The following NEK7 variants were observed in gnomAD, a reference collection of about 807,000 sequenced individuals.
The protein encoded by NEK7 is serine/threonine-protein kinase Nek7.
In NEK7, 18 loss-of-function variants were observed where a neutral mutation model predicts 44.6. The ratio of observed to expected loss-of-function variants is 0.40; its 90% confidence interval spans 0.28 to 0.60. NEK7 has a LOEUF of 0.60. Among genes scored for constraint, NEK7 ranks in the 20% least tolerant of loss-of-function variants. The pLI, the probability that NEK7 is intolerant of heterozygous loss-of-function variation, is 0.38. For synonymous variants in NEK7, 130 were observed against 121.1 expected, an observed-to-expected ratio of 1.07 and a Z score of -0.48; for missense variants, 256 against 366.5, an observed-to-expected ratio of 0.70 and a Z score of 2.46.
chr1:198,193,375 G>A (rs1665134861), intron 1 of NEK7, among the ~76,000 whole-genome samples: 1 of 152,082 alleles, frequency 6.6e-6, no homozygotes, highest in African/African-American at 2.4e-5. Context: ...AAATCTATGG[G>A]AGGTACAAAA....
intron 1 of NEK7, among the ~76,000 whole-genome samples, chr1:198,205,593 T>A (rs149787361): frequency 1.3e-5 from 2 of 152,288 alleles, no homozygotes; most frequent in Non-Finnish European, 2.9e-5. Context: ...CTGTATTTGC[T>A]CTGGGAGAAA....
At chr1:198,309,373 C>T (rs1423949124) in intron 9 of NEK7, among the ~76,000 whole-genome samples, 2 of 151,966 alleles carry the variant, frequency 1.3e-5, no homozygotes, top group African/African-American at 2.4e-5. Flanking sequence ...AAATAGGAGC[C>T]TGGAAAGGGA....
rs1178767403 is a variant in NEK7 at position 198,245,207 on chromosome 1, GAGA to G, written c.58-7830_58-7828del. 1.0e-4 allele frequency: 17 copies of G among 169,244 alleles called. No individual in the cohort carries two copies. In the Middle Eastern group the frequency reaches 2.1e-3, roughly 21 times the overall value. The allele number at this position is 169,244 out of a possible 1,614,324, so 10.5% of individuals were successfully genotyped here. Reference sequence around the variant, plus strand: ...TGGGTAGGCAGAGGAGAAGGAGAAAGAGAAGGAGTTTCTTGCTGTCTCATGGAA... The same window carrying G: ...TGGGTAGGCAGAGGAGAAGGAGAAAGAGGAGTTTCTTGCTGTCTCATGGAA... On this transcript the variant is annotated intron_variant, in intron 2 of 9. Transcript: ENST00000367385.
chr1:198,212,188 G>T (rs367722916), intron 1 of NEK7, among the ~76,000 whole-genome samples: 1 of 152,338 alleles, frequency 6.6e-6, no homozygotes, highest in African/African-American at 2.4e-5. Flanking sequence ...TGAGATTTGT[G>T]TAGGGATGAA....
intron 1 of NEK7, among the ~76,000 whole-genome samples, chr1:198,223,173 TATA>T (rs1418604028): frequency 6.6e-6 from 1 of 152,204 alleles, no homozygotes; most frequent in African/African-American, 2.4e-5. Context: ...ATGAGAGCGT[TATA>T]ATTTGATTTA....
At chr1:198,229,202 A>C (rs937389535) in intron 1 of NEK7, among the ~76,000 whole-genome samples, 1 of 152,146 alleles carries the variant, frequency 6.6e-6, no homozygotes, top group Non-Finnish European at 1.5e-5. Flanking sequence ...AAAAGGCCCA[A>C]GTGGCCAGGT....
intron 9 of NEK7, among the ~76,000 whole-genome samples, chr1:198,299,256 C>CT (rs1654805006): frequency 6.6e-6 from 1 of 152,136 alleles, no homozygotes; most frequent in Admixed American, 6.5e-5. Context: ...AACAATGTTA[C>CT]TTTAATCTAT....
At chr1:198,220,620 G>C (rs899643206) in intron 1 of NEK7, among the ~76,000 whole-genome samples, 3 of 152,028 alleles carry the variant, frequency 2.0e-5, no homozygotes, top group African/African-American at 7.2e-5. Context: ...GGAAGTACTG[G>C]ATGACTCAGT....
chr1:198,290,191 T>TGTA (rs1654510269), intron 7 of NEK7, among the ~76,000 whole-genome samples: 1 of 152,226 alleles, frequency 6.6e-6, no homozygotes, highest in Non-Finnish European at 1.5e-5. Flanking sequence ...TTACATGTGC[T>TGTA]GTAGTCTTCA....
At chr1:198,297,262 T>C in intron 9 of NEK7, 22 bp downstream of exon 9, 1 of 1,607,906 alleles carries the variant, frequency 6.2e-7, no homozygotes. Flanking sequence ...TCAGCCCACA[T>C]GTTCTTCTGT....
intron 1 of NEK7, among the ~76,000 whole-genome samples, chr1:198,193,627 C>T (rs920271102): frequency 2.0e-5 from 3 of 152,200 alleles, no homozygotes; most frequent in Non-Finnish European, 4.4e-5. Context: ...AAGTTGGCTT[C>T]ATCCCTGGGA....
intron 1 of NEK7, among the ~76,000 whole-genome samples, chr1:198,212,828 A>G (rs1665814823): frequency 6.6e-6 from 1 of 152,230 alleles, no homozygotes; most frequent in Admixed American, 6.5e-5. Flanking sequence ...AGTCCATTTC[A>G]ACATCTGCAA....
chr1:198,276,315 G>A (rs975907640), intron 5 of NEK7, among the ~76,000 whole-genome samples: 14 of 151,622 alleles, frequency 9.2e-5, no homozygotes, highest in Non-Finnish European at 1.5e-4. Flanking sequence ...TTCATGGTCT[G>A]ATACACACAT....
At position 198,275,616 on chromosome 1, in the gene NEK7, G is replaced by T. The variant is rs1653994302; in HGVS notation, c.373-2345G>T. On this transcript the variant is annotated intron_variant, in intron 5 of 9. Coordinates refer to ENST00000367385, the MANE Select transcript of NEK7 (RefSeq NM_133494.3). ...ATAATTAACTTTTAAAAAGATATGTGTTTATTAGAATAAATTTTAAGAGAA... is the reference window on the plus strand; with the variant it reads ...ATAATTAACTTTTAAAAAGATATGTTTTTATTAGAATAAATTTTAAGAGAA... Among the ~76,000 whole-genome samples, 3 of 150,758 alleles carry T rather than the reference G, an allele frequency of 2.0e-5. No individual in the cohort carries two copies. In the South Asian group the frequency reaches 6.3e-4, roughly 31 times the overall value.
chr1:198,159,399 A>G (rs1470531368), intron 1 of NEK7, among the ~76,000 whole-genome samples: 1 of 152,182 alleles, frequency 6.6e-6, no homozygotes, highest in Non-Finnish European at 1.5e-5. Context: ...GAACTTAACT[A>G]CTACTGAAAG....
At chr1:198,200,015 ATTAC>A (rs1263112380) in intron 1 of NEK7, among the ~76,000 whole-genome samples, 6 of 151,776 alleles carry the variant, frequency 4.0e-5, no homozygotes, top group African/African-American at 7.3e-5. Flanking sequence ...CTCCTTTAAG[ATTAC>A]TTAAATTTTT....
intron 5 of NEK7, 106 bp downstream of exon 5, chr1:198,264,341 A>G (rs1266117368): frequency 1.1e-5 from 8 of 740,222 alleles, no homozygotes; most frequent in East Asian, 2.8e-5. Flanking sequence ...AAAGACCTCA[A>G]TGCAAAGCTT....
chr1:198,245,137 T>G (rs991862809), intron 2 of NEK7: 2 of 167,128 alleles, frequency 1.2e-5, no homozygotes, highest in African/African-American at 4.8e-5. Flanking sequence ...TAATATTCAT[T>G]AAGTGGAAAG....
At chr1:198,193,564 A>C (rs192801373) in intron 1 of NEK7, among the ~76,000 whole-genome samples, 477 of 152,334 alleles carry the variant, frequency 3.1e-3, no homozygotes, top group Non-Finnish European at 5.4e-3. Context: ...TCCTCAGTGA[A>C]ATACTGGCAA....
Sources: allele counts gnomAD v4.1 joint callset (sites outside exome capture counted in the v4.1 genomes callset), GRCh38; gene constraint gnomAD v4.1.1; transcripts MANE v1.5; gene names NCBI Gene and HGNC (gene_info 2026-07-23, HGNC 2026-07-21).